SMG1: variants seen among roughly 807,000 people sequenced by gnomAD.
SMG1 encodes serine/threonine-protein kinase SMG1.
In SMG1, 22 loss-of-function variants were observed where a neutral mutation model predicts 419.9. The observed-to-expected ratio is 0.05, with a 90% CI of 0.04 to 0.07. The LOEUF is 0.07. Among genes scored for constraint, SMG1 ranks in the 10% least tolerant of loss-of-function variants. The pLI, the probability that SMG1 is intolerant of heterozygous loss-of-function variation, is 1.00. For missense variants in SMG1, 3,185 were observed against 4,342.0 expected, an observed-to-expected ratio of 0.73 and a Z score of 7.49; for synonymous variants, 1,538 against 1,553.5, an observed-to-expected ratio of 0.99 and a Z score of 0.23.
chr16:18,854,588 T>A, intron 30 of SMG1, 68 bp downstream of exon 30: 1 of 1,421,812 alleles, frequency 7.0e-7, no homozygotes, highest in Non-Finnish European at 9.5e-7. Context: ...ATACCATACA[T>A]ACACAGTAAC....
chr16:18,817,970 T>C (rs536249702), intron 56 of SMG1, among the ~76,000 whole-genome samples: 2 of 151,822 alleles, frequency 1.3e-5, no homozygotes, highest in East Asian at 3.9e-4. Flanking sequence ...GGCTTAATTA[T>C]GGCTCACTGT....
At chr16:18,901,964 G>A (rs1237383453) in intron 1 of SMG1, among the ~76,000 whole-genome samples, 3 of 146,208 alleles carry the variant, frequency 2.1e-5, no homozygotes, top group Admixed American at 6.9e-5. Context: ...AGGGGGGGGT[G>A]GCGGTGGGGG....
chr16:18,885,846 TGA>T (rs1178797843), intron 6 of SMG1, among the ~76,000 whole-genome samples, 180 bp from the exon 7 acceptor site: 1 of 151,730 alleles, frequency 6.6e-6, no homozygotes, highest in Non-Finnish European at 1.5e-5. Context: ...CCTGGGAGGC[TGA>T]GACACAAGAA....
intron 1 of SMG1, among the ~76,000 whole-genome samples, chr16:18,919,677 C>T (rs867133862): frequency 2.9e-4 from 43 of 148,868 alleles, no homozygotes; most frequent in Admixed American, 6.8e-4. Context: ...CACACACACA[C>T]ACACACACAC....
At chr16:18,897,310 T>C (rs2037171114) in intron 1 of SMG1, among the ~76,000 whole-genome samples, 1 of 152,192 alleles carries the variant, frequency 6.6e-6, no homozygotes, top group Non-Finnish European at 1.5e-5. Context: ...CTCACATGAC[T>C]TGATAATAAG....
intron 58 of SMG1, 137 bp from the exon 59 acceptor site, chr16:18,815,788 T>C (rs1014486365): frequency 7.7e-5 from 50 of 647,108 alleles, no homozygotes; most frequent in Non-Finnish European, 1.2e-4. Context: ...TCCATTTTTA[T>C]AGGAACTTTG....
At position 18,926,178 on chromosome 16, in the gene SMG1, A is replaced by AGGAGAAGGAGGAGGCGGCGGAGGGCG. The variant is rs2038402220; in HGVS notation, c.-163_-138dup. On this transcript the variant is annotated 5_prime_UTR_variant, in exon 1 of 63. Transcript: ENST00000446231. ...GAGAAGGAGGAGGAGGAGGAGGAGG[A>AGGAGAAGGAGGAGGCGGCGGAGGGCG]GGAGAAGGAGGAGGCGGCGGAGGGC... The AGGAGAAGGAGGAGGCGGCGGAGGGCG allele has an allele frequency of 1.4e-6, 1 of 729,448 alleles. No homozygotes were observed. Among genetic ancestry groups the AGGAGAAGGAGGAGGCGGCGGAGGGCG allele is most frequent in the African/African-American group, 1.9e-5 (1 of 52,506 alleles). The allele number at this position is 729,448 out of a possible 1,614,324, so 45.2% of individuals were successfully genotyped here.
chr16:18,912,893 A>G (rs193167114), intron 1 of SMG1, among the ~76,000 whole-genome samples: 1 of 152,244 alleles, frequency 6.6e-6, no homozygotes, highest in East Asian at 1.9e-4. Context: ...CCAGTGCTGG[A>G]AAACCTATAT....
At chr16:18,821,225 T>TC in intron 55 of SMG1, among the ~76,000 whole-genome samples, 1 of 83,216 alleles carries the variant, frequency 1.2e-5, no homozygotes, top group Non-Finnish European at 2.5e-5. Context: ...ATGTTTCTTT[T>TC]TTTTTTTTTT....
At chr16:18,815,689 T>C in intron 58 of SMG1, 38 bp from the exon 59 acceptor site, 20 of 1,558,074 alleles carry the variant, frequency 1.3e-5, no homozygotes, top group Non-Finnish European at 1.7e-5. Context: ...AAAATAGTTT[T>C]AGTATCAGTA....
intron 55 of SMG1, among the ~76,000 whole-genome samples, chr16:18,827,611 T>C (rs1359375207): frequency 6.9e-6 from 1 of 144,526 alleles, no homozygotes; most frequent in African/African-American, 2.5e-5. Flanking sequence ...GGTATAAATA[T>C]ACCAAAATAT....
intron 1 of SMG1, among the ~76,000 whole-genome samples, chr16:18,921,045 G>T (rs2038177176): frequency 2.0e-5 from 3 of 151,652 alleles, no homozygotes; most frequent in Admixed American, 2.0e-4. Context: ...GGCTGAGACA[G>T]GAGAATCACT....
At chr16:18,862,552 G>A (rs1852378263) in intron 25 of SMG1, among the ~76,000 whole-genome samples, 2 of 151,946 alleles carry the variant, frequency 1.3e-5, no homozygotes, top group Non-Finnish European at 2.9e-5. Flanking sequence ...TTAAAACATG[G>A]CTTGTTCTCT....
At position 18,845,663 on chromosome 16, in the gene SMG1, G is replaced by A; in HGVS notation, c.5997-12C>T. On this transcript the variant is annotated splice_polypyrimidine_tract_variant and intron_variant, in intron 38 of 62. Coordinates refer to ENST00000446231, the MANE Select transcript of SMG1 (RefSeq NM_015092.5). ...CAATTTTCTCTTCTCTGACCAAGAAGACATTTTTATTCAAAAACTTAAATG... is the reference window on the plus strand; with the variant it reads ...CAATTTTCTCTTCTCTGACCAAGAAAACATTTTTATTCAAAAACTTAAATG... The A allele has an allele frequency of 6.3e-7, 1 of 1,594,118 alleles. No individual in the cohort carries two copies. The highest frequency in any genetic ancestry group is 8.5e-7 in the Non-Finnish European group (1 of 1,170,636).
intron 6 of SMG1, among the ~76,000 whole-genome samples, chr16:18,888,626 C>T (rs1283362080): frequency 2.0e-5 from 3 of 151,790 alleles, no homozygotes; most frequent in South Asian, 2.1e-4. Context: ...TGCCACCATG[C>T]CTGGCTAATT....
chr16:18,894,174 G>C (rs1236715926), intron 3 of SMG1, among the ~76,000 whole-genome samples: 3 of 152,034 alleles, frequency 2.0e-5, no homozygotes, highest in African/African-American at 7.2e-5. Context: ...AACAACCAAT[G>C]GGTACCAGGC....
chr16:18,885,477 A>C lies in SMG1; in HGVS notation c.948+64T>G, dbSNP rs1474017851. The C allele has an allele frequency of 3.8e-6, 6 of 1,580,540 alleles. No individual in the cohort carries two copies. In the African/African-American group the frequency reaches 8.1e-5, roughly 21 times the overall value. Reference sequence around the variant, plus strand: ...GGCATTGTTTTCCATCTGTTTCCTCAGATCCTCACACACACAACCATCCCC... The same window carrying C: ...GGCATTGTTTTCCATCTGTTTCCTCCGATCCTCACACACACAACCATCCCC... On this transcript the variant is annotated intron_variant, in intron 7 of 62. Coordinates refer to ENST00000446231, the MANE Select transcript of SMG1 (RefSeq NM_015092.5).
Position 18,828,034 on chromosome 16 carries a change from A to G in SMG1, c.9738T>C (p.Val3246=). ...LSQIETSIAT[V]QEKLAALESS... is the part of the protein sequence containing the mutation. ...AGGAAGATCTGGCAAAACACACCTGAACTGTTGCAATAGAAGTTTCAATCT... is the reference window on the plus strand; with the variant it reads ...AGGAAGATCTGGCAAAACACACCTGGACTGTTGCAATAGAAGTTTCAATCT... Residue 3246 remains valine, a synonymous_variant, in exon 55 of 63, where the codon GTT becomes GTC. Coordinates refer to ENST00000446231, the MANE Select transcript of SMG1 (RefSeq NM_015092.5). The G allele has an allele frequency of 6.2e-7, 1 of 1,611,456 alleles. No individual in the cohort carries two copies. The highest frequency in any genetic ancestry group is 8.5e-7 in the Non-Finnish European group (1 of 1,178,622).
chr16:18,815,673 T>C (rs763594825), intron 58 of SMG1, 22 bp from the exon 59 acceptor site: 3 of 1,597,760 alleles, frequency 1.9e-6, no homozygotes, highest in Non-Finnish European at 2.6e-6. Context: ...AAATTAATGA[T>C]TAAGAAAAAT....
Sources: allele counts gnomAD v4.1 joint callset (sites outside exome capture counted in the v4.1 genomes callset), GRCh38; gene constraint gnomAD v4.1.1; transcripts MANE v1.5; gene names NCBI Gene and HGNC (gene_info 2026-07-23, HGNC 2026-07-21).